Variants in MVB12B observed in about 807,000 individuals in gnomAD.
MVB12B encodes the protein ESCRT-I complex subunit MVB12B.
In MVB12B, 16 loss-of-function variants were observed where a neutral mutation model predicts 41.6. The ratio of observed to expected loss-of-function variants is 0.38; its 90% CI spans 0.26 to 0.58. The LOEUF is 0.58. Among genes scored for constraint, MVB12B ranks in the 20% least tolerant of loss-of-function variants. The pLI is 0.62. For missense variants in MVB12B, 274 were observed against 380.2 expected, an observed-to-expected ratio of 0.72 and a Z score of 2.32; for synonymous variants, 133 against 139.7, an observed-to-expected ratio of 0.95 and a Z score of 0.34.
intron 6 of MVB12B, among the ~76,000 whole-genome samples, chr9:126,410,024 C>T (rs1432645961): frequency 6.6e-6 from 1 of 152,164 alleles, no homozygotes; most frequent in Non-Finnish European, 1.5e-5. Context: ...TTGCCATATG[C>T]CGTCAAGCTG....
chr9:126,485,933 C>T (rs1312740756), intron 9 of MVB12B, among the ~76,000 whole-genome samples: 3 of 152,040 alleles, frequency 2.0e-5, no homozygotes, highest in African/African-American at 7.2e-5. Flanking sequence ...CCGAGAGGAA[C>T]ATTCATCTCA....
At chr9:126,372,730 G>A (rs991059705) in intron 2 of MVB12B, among the ~76,000 whole-genome samples, 2 of 152,156 alleles carry the variant, frequency 1.3e-5, no homozygotes, top group Middle Eastern at 3.2e-3. Context: ...GAAAACCCTA[G>A]TATGTAAATG....
At chr9:126,405,895 T>C (rs1831405622) in intron 6 of MVB12B, among the ~76,000 whole-genome samples, 1 of 150,360 alleles carries the variant, frequency 6.7e-6, no homozygotes, top group Non-Finnish European at 1.5e-5. Flanking sequence ...GCTGTAATTT[T>C]CTGGGCTTCT....
chr9:126,394,598 A>C (rs1442724491), intron 5 of MVB12B, among the ~76,000 whole-genome samples: 1 of 152,192 alleles, frequency 6.6e-6, no homozygotes, highest in East Asian at 1.9e-4. Flanking sequence ...TGGGATTGTC[A>C]GTTGGGGAAG....
At chr9:126,382,755 G>A (rs1392443836) in intron 3 of MVB12B, among the ~76,000 whole-genome samples, 2 of 152,200 alleles carry the variant, frequency 1.3e-5, no homozygotes, top group Admixed American at 6.5e-5. Flanking sequence ...ACTATGGGGT[G>A]TTGGTACCTA....
At chr9:126,336,754 GCACACACA>G (rs113110128) in intron 1 of MVB12B, among the ~76,000 whole-genome samples, 3 of 150,292 alleles carry the variant, frequency 2.0e-5, no homozygotes, top group Admixed American at 6.6e-5. Flanking sequence ...GTGTGTGCAC[GCACACACA>G]CACACACACA....
intron 2 of MVB12B, among the ~76,000 whole-genome samples, chr9:126,364,540 C>G (rs961745625): frequency 6.6e-6 from 1 of 152,202 alleles, no homozygotes; most frequent in Non-Finnish European, 1.5e-5. Context: ...CTGGCTGGAT[C>G]ACTAGTTTTC....
At chr9:126,451,088 C>T (rs1832879453) in intron 7 of MVB12B, among the ~76,000 whole-genome samples, 1 of 152,194 alleles carries the variant, frequency 6.6e-6, no homozygotes, top group African/African-American at 2.4e-5. Flanking sequence ...GGCATCTCTG[C>T]ATCACCAGAA....
chr9:126,336,095 C>T (rs546822173), intron 1 of MVB12B, among the ~76,000 whole-genome samples: 20 of 152,378 alleles, frequency 1.3e-4, no homozygotes, highest in African/African-American at 4.3e-4. Context: ...CCCCCTGCCC[C>T]CTGCAGTTGT....
At chr9:126,438,445 A>G (rs2097955725) in intron 7 of MVB12B, among the ~76,000 whole-genome samples, 1 of 151,992 alleles carries the variant, frequency 6.6e-6, no homozygotes, top group Non-Finnish European at 1.5e-5. Context: ...ATTCGTCTCT[A>G]ACATTTTCCA....
chr9:126,413,966 A>G (rs1187133380), intron 6 of MVB12B, among the ~76,000 whole-genome samples: 1 of 152,186 alleles, frequency 6.6e-6, no homozygotes, highest in Non-Finnish European at 1.5e-5. Context: ...GACAGCAGGC[A>G]CTGCAGCTGC....
chr9:126,475,922 C>G (rs930551512), intron 7 of MVB12B, among the ~76,000 whole-genome samples: 1 of 152,220 alleles, frequency 6.6e-6, no homozygotes, highest in Admixed American at 6.5e-5. Context: ...GCCCCTCCTT[C>G]TGTCGTGAAC....
At position 126,406,231 on chromosome 9, in the gene MVB12B, A is replaced by G. The variant is rs199972993; in HGVS notation, c.662+10534A>G. On this transcript the variant is annotated intron_variant, in intron 6 of 9. Transcript: ENST00000361171. ...CTTCAAGGAGCCTCAGGGCTTCCTG[A>G]TGGAACGCTGACCCTCTGCTGTGAG... 7.9e-5 allele frequency among the ~76,000 whole-genome samples: 12 copies of G among 152,306 alleles called. No individual in the cohort carries two copies. The East Asian group carries it at 2.1e-3, about 27-fold the overall frequency.
In MVB12B at chr9:126,395,291, T is replaced by A. The variant is rs955057332; in HGVS notation, c.540-284T>A. ...GGAAATGGCAAAACAAAAAGAAGTT[T>A]GGAGAAGCAAGGAAAGTACCAGTTG... On this transcript the variant is annotated intron_variant, in intron 5 of 9. Transcript: ENST00000361171. The surrounding 1 kb of genome is among the most constrained non-coding windows in gnomAD (Gnocchi z 4.9). 2.0e-5 allele frequency among the ~76,000 whole-genome samples: 3 copies of A among 152,168 alleles called. No homozygotes were observed. Among genetic ancestry groups the A allele is most frequent in the Non-Finnish European group, 4.4e-5 (3 of 68,046 alleles).
rs10819151 is a variant in MVB12B at position 126,385,081 on chromosome 9, C to T, written c.313-1481C>T. Among the ~76,000 whole-genome samples, 899 of 152,142 alleles carry T rather than the reference C, an allele frequency of 5.9e-3. 52 individuals carry two copies. In the East Asian group the frequency reaches 0.14, roughly 23 times the overall value. On this transcript the variant is annotated intron_variant, in intron 3 of 9. Transcript: ENST00000361171. Reference sequence around the variant, plus strand: ...CAAACTCCTGAACTCAAGCTACCCACGCACTTTGGCCTCCCAAAGTGTTGG... The same window carrying T: ...CAAACTCCTGAACTCAAGCTACCCATGCACTTTGGCCTCCCAAAGTGTTGG...
At chr9:126,337,580 A>C (rs1829319013) in intron 1 of MVB12B, among the ~76,000 whole-genome samples, 1 of 152,096 alleles carries the variant, frequency 6.6e-6, no homozygotes. Flanking sequence ...AACAGACCAG[A>C]CCTAGGGAGG....
At position 126,340,623 on chromosome 9, in the gene MVB12B, A is replaced by G. The variant is rs773214805; in HGVS notation, c.197A>G (p.Tyr66Cys). ...VASRNRAPTG[Y>C]DVVAQTADGV... ...TCTCGGAACCGAGCCCCGACAGGCT[A>G]TGACGTAGTAAGTCAAGATACTAGT... Residue 66 changes from tyrosine (Y) to cysteine (C), a missense_variant, in exon 2 of 10, where the codon TAT (tyrosine) becomes TGT (cysteine). Transcript: ENST00000361171. The surrounding 1 kb of genome is among the most constrained non-coding windows in gnomAD (Gnocchi z 4.0). 1.9e-6 allele frequency: 3 copies of G among 1,613,938 alleles called. No homozygotes were observed. Among genetic ancestry groups the G allele is most frequent in the East Asian group, 2.2e-5 (1 of 44,890 alleles).
intron 7 of MVB12B, among the ~76,000 whole-genome samples, chr9:126,441,858 A>G (rs1554780436): frequency 6.6e-6 from 1 of 152,252 alleles, no homozygotes; most frequent in Non-Finnish European, 1.5e-5. Flanking sequence ...TGATTAGAGC[A>G]TGATGTAGCT....
intron 6 of MVB12B, among the ~76,000 whole-genome samples, chr9:126,417,924 A>C (rs1463323680): frequency 6.6e-6 from 1 of 152,156 alleles, no homozygotes; most frequent in Non-Finnish European, 1.5e-5. Flanking sequence ...GATTCCTAGG[A>C]AGAGGGAGTG....
Sources: allele counts gnomAD v4.1 joint callset (sites outside exome capture counted in the v4.1 genomes callset), GRCh38; gene constraint gnomAD v4.1.1; non-coding constraint Gnocchi (gnomAD v3.1); transcripts MANE v1.5; gene names NCBI Gene and HGNC (gene_info 2026-07-23, HGNC 2026-07-21).